Variants in LINGO2 observed in about 807,000 individuals in gnomAD.
LINGO2 encodes leucine rich repeat and Ig domain containing 2.
A neutral mutation model predicts 30.6 loss-of-function variants in LINGO2; 14 were observed. That is an observed-to-expected ratio of 0.46 (90% CI 0.30 to 0.72). LINGO2 has a LOEUF of 0.72. Ranked by LOEUF, LINGO2 falls within the 30% of genes least tolerant of loss-of-function variation. LINGO2 has a pLI of 0.07. For synonymous variants in LINGO2, 317 were observed against 288.5 expected (o/e 1.10, Z -1.00); for missense variants, 729 against 751.7 (o/e 0.97, Z 0.35).
intron 1 of LINGO2, among the ~76,000 whole-genome samples, chr9:28,636,980 T>C (rs1827312133): frequency 2.0e-5 from 3 of 152,206 alleles, no homozygotes; most frequent in Non-Finnish European, 4.4e-5. Flanking sequence ...CTTTAATCCA[T>C]CTTGAATTAA....
At chr9:28,772,572 A>T in the LINGO2 span, among the ~76,000 whole-genome samples, 2 of 152,208 alleles carry the variant, frequency 1.3e-5, no homozygotes, top group Non-Finnish European at 2.9e-5. Context: ...GATATTACTA[A>T]ATGGCTCTTG....
chr9:28,542,089 A>C (rs1638668452), intron 1 of LINGO2, among the ~76,000 whole-genome samples: 2 of 152,264 alleles, frequency 1.3e-5, no homozygotes, highest in African/African-American at 4.8e-5. Flanking sequence ...AGGATTAGGA[A>C]GGGAAAGAAG....
At chr9:28,895,974 C>T in the LINGO2 span, among the ~76,000 whole-genome samples, 2 of 152,050 alleles carry the variant, frequency 1.3e-5, no homozygotes, top group Admixed American at 1.3e-4. Context: ...TGGAAACTAT[C>T]AACATAAAGC....
At chr9:28,025,351 C>T (rs186452557) in intron 4 of LINGO2, among the ~76,000 whole-genome samples, 60 of 152,298 alleles carry the variant, frequency 3.9e-4, no homozygotes, top group Middle Eastern at 3.4e-3. Flanking sequence ...TAATTCATGT[C>T]CTGTGCATTT....
chr9:28,052,679 G>T (rs1824730667), intron 4 of LINGO2, among the ~76,000 whole-genome samples: 2 of 152,084 alleles, frequency 1.3e-5, no homozygotes, highest in African/African-American at 4.8e-5. Flanking sequence ...TCATTCCTAA[G>T]CTTTCTGGCA....
chr9:28,039,345 G>A (rs967727031), intron 4 of LINGO2, among the ~76,000 whole-genome samples: 1 of 152,184 alleles, frequency 6.6e-6, no homozygotes, highest in Admixed American at 6.5e-5. Context: ...TAAACTAAGT[G>A]CAAAGGTGAT....
intron 4 of LINGO2, among the ~76,000 whole-genome samples, chr9:28,158,688 C>T (rs952626612): frequency 6.6e-6 from 1 of 152,106 alleles, no homozygotes; most frequent in African/African-American, 2.4e-5. Context: ...CTGGCACAGA[C>T]AAGAGGGGGT....
chr9:28,295,390 C>A (rs1245842910), intron 3 of LINGO2, 24 bp from the exon 6 acceptor site: 1 of 152,550 alleles, frequency 6.6e-6, no homozygotes, highest in Non-Finnish European at 1.5e-5. Context: ...GATATTTCTC[C>A]ATTTTAATTG....
the LINGO2 span, among the ~76,000 whole-genome samples, chr9:28,908,269 A>G: frequency 6.6e-6 from 1 of 151,670 alleles, no homozygotes; most frequent in Admixed American, 6.6e-5. Context: ...TGTGCTAGGG[A>G]AGGTCTATAG....
chr9:29,170,139 A>G, the LINGO2 span, among the ~76,000 whole-genome samples: 1 of 152,204 alleles, frequency 6.6e-6, no homozygotes, highest in Admixed American at 6.5e-5. Flanking sequence ...TATCAAAAAG[A>G]CACCTGCATT....
the LINGO2 span, among the ~76,000 whole-genome samples, chr9:28,898,354 G>GA: frequency 2.0e-5 from 3 of 151,994 alleles, no homozygotes; most frequent in Admixed American, 6.6e-5. Context: ...AACAAGCCCA[G>GA]AAAAAAGAAT....
chr9:28,513,513 A>C (rs997471936), intron 1 of LINGO2, among the ~76,000 whole-genome samples: 5 of 152,234 alleles, frequency 3.3e-5, no homozygotes, highest in Non-Finnish European at 5.9e-5. Context: ...ACAATTATAG[A>C]AAAAGCAATA....
At position 28,050,092 on chromosome 9, in the gene LINGO2, T is replaced by A. The variant is rs141017619; in HGVS notation, c.-86-37687A>T. ...AAAAGGTAGGGCTTTGTGATTAGAT[T>A]GAGATGGAAGGAGAGAAGAGTGAGG... is the stretch of plus-strand genomic sequence containing the variant. On this transcript the variant is annotated intron_variant, in intron 4 of 5. Coordinates refer to ENST00000379992, the Ensembl canonical transcript of LINGO2. 5.5e-3 allele frequency among the ~76,000 whole-genome samples: 825 copies of A among 150,550 alleles called. 45 individuals carry two copies. Among genetic ancestry groups the A allele is most frequent in the African/African-American group, 0.019 (790 of 40,700 alleles).
chr9:28,319,312 A>G (rs1824953769), intron 3 of LINGO2, among the ~76,000 whole-genome samples: 1 of 152,170 alleles, frequency 6.6e-6, no homozygotes, highest in South Asian at 2.1e-4. Flanking sequence ...TCAGTCTTCT[A>G]ATCTCTGCTC....
At chr9:29,203,982 C>G in the LINGO2 span, among the ~76,000 whole-genome samples, 1 of 152,152 alleles carries the variant, frequency 6.6e-6, no homozygotes, top group African/African-American at 2.4e-5. Context: ...GGTTTCAACT[C>G]AAGACTAAAT....
At chr9:28,977,407 G>C in the LINGO2 span, among the ~76,000 whole-genome samples, 77,699 of 151,896 alleles carry the variant, frequency 0.51, 20,965 homozygotes, top group Non-Finnish European at 0.6. Flanking sequence ...TTACCAGACA[G>C]ACTGTACTGA....
At chr9:28,181,143 A>T (rs1389519667) in intron 4 of LINGO2, among the ~76,000 whole-genome samples, 1 of 152,128 alleles carries the variant, frequency 6.6e-6, no homozygotes, top group East Asian at 1.9e-4. Context: ...CAAGTACAGG[A>T]AGCCTGCTAG....
At chr9:27,940,872 TAAGTAC>T in the LINGO2 span, 15 of 152,236 alleles carry the variant, frequency 9.9e-5, no homozygotes, top group Non-Finnish European at 1.8e-4. Context: ...TCCCATTGTT[TAAGTAC>T]AAGTTCTGAA....
At chr9:28,535,468 G>C (rs2135441970) in intron 1 of LINGO2, among the ~76,000 whole-genome samples, 1 of 152,072 alleles carries the variant, frequency 6.6e-6, no homozygotes, top group East Asian at 1.9e-4. Context: ...GCCATTCTGG[G>C]GATGCTAGGT....
Sources: gnomAD v4.1 joint callset for allele counts (sites outside exome capture counted in the v4.1 genomes callset) on GRCh38, gnomAD v4.1.1 for gene constraint, MANE v1.5 for transcripts, NCBI Gene and HGNC (gene_info 2026-07-23, HGNC 2026-07-21) for gene names.